The following NAALADL2 variants were observed in gnomAD, a reference collection of about 807,000 sequenced individuals.
The protein encoded by NAALADL2 is N-acetylated alpha-linked acidic dipeptidase like 2, also known as inactive N-acetylated-alpha-linked acidic dipeptidase-like protein 2.
NAALADL2 carries 76 observed loss-of-function variants against 87.2 expected under a neutral mutation model. The ratio of observed to expected loss-of-function variants is 0.87; its 90% CI spans 0.72 to 1.05. The LOEUF is 1.05. Ranked by LOEUF, NAALADL2 falls within the 50% of genes least tolerant of loss-of-function variation. The pLI, the probability that NAALADL2 is intolerant of heterozygous loss-of-function variation, is 0.00. For missense variants in NAALADL2, 1,089 were observed against 945.8 expected (o/e 1.15, Z -1.99); for synonymous variants, 354 against 331.0 (o/e 1.07, Z -0.75).
chr3:174,587,014 T>C (rs1168021215), intron 2 of NAALADL2, among the ~76,000 whole-genome samples: 4 of 136,780 alleles, frequency 2.9e-5, no homozygotes, highest in African/African-American at 1.1e-4. Context: ...CCCTGGTGTG[T>C]GATGTACTCC....
At chr3:174,900,115 A>G (rs1230391572) in intron 1 of NAALADL2, among the ~76,000 whole-genome samples, 2 of 152,128 alleles carry the variant, frequency 1.3e-5, no homozygotes, top group East Asian at 1.9e-4. Context: ...AACCAGTTCT[A>G]CGAGATATTA....
intron 2 of NAALADL2, among the ~76,000 whole-genome samples, chr3:175,106,153 A>T (rs544027322): frequency 1.3e-5 from 2 of 152,232 alleles, no homozygotes; most frequent in Non-Finnish European, 2.9e-5. Context: ...AGATTAGGTT[A>T]GTTACTTTCC....
At chr3:174,882,661 G>A (rs1159229198) in intron 1 of NAALADL2, among the ~76,000 whole-genome samples, 1 of 144,280 alleles carries the variant, frequency 6.9e-6, no homozygotes. Context: ...ACACATATGT[G>A]CATATACACA....
At chr3:174,852,208 G>A (rs575748372) in intron 3 of NAALADL2, among the ~76,000 whole-genome samples, 14 of 152,206 alleles carry the variant, frequency 9.2e-5, no homozygotes, top group South Asian at 8.3e-4. Flanking sequence ...CTTAGTAGTG[G>A]AAGTCCTTGC....
At chr3:174,713,691 T>C (rs943918926) in intron 2 of NAALADL2, among the ~76,000 whole-genome samples, 1 of 151,932 alleles carries the variant, frequency 6.6e-6, no homozygotes, top group African/African-American at 2.4e-5. Context: ...TTGTAGATTC[T>C]GGATATTAGC....
chr3:175,500,386 ATAG>A (rs1275131705), intron 9 of NAALADL2, among the ~76,000 whole-genome samples: 14 of 152,034 alleles, frequency 9.2e-5, no homozygotes, highest in African/African-American at 3.1e-4. Flanking sequence ...GGCCAAATCA[ATAG>A]TAGGCAAAAA....
At chr3:175,724,230 G>A (rs1742637151) in intron 11 of NAALADL2, among the ~76,000 whole-genome samples, 1 of 152,030 alleles carries the variant, frequency 6.6e-6, no homozygotes, top group Non-Finnish European at 1.5e-5. Context: ...TGAATTGTTG[G>A]GCTATGTCAT....
intron 5 of NAALADL2, among the ~76,000 whole-genome samples, chr3:175,369,206 C>G (rs141764640): frequency 6.6e-6 from 1 of 152,222 alleles, no homozygotes; most frequent in African/African-American, 2.4e-5. Context: ...TCATGCAGCA[C>G]CTGACTGTAT....
At chr3:175,472,511 T>G (rs1272231708) in intron 9 of NAALADL2, among the ~76,000 whole-genome samples, 4 of 152,168 alleles carry the variant, frequency 2.6e-5, no homozygotes, top group Non-Finnish European at 5.9e-5. Flanking sequence ...AGCCTCAATG[T>G]CTGTTAATTT....
chr3:174,827,937 C>A (rs549369236), intron 3 of NAALADL2, among the ~76,000 whole-genome samples: 1 of 152,114 alleles, frequency 6.6e-6, no homozygotes, highest in Non-Finnish European at 1.5e-5. Context: ...AATCTCAGCA[C>A]TTTGGGAGGC....
At chr3:174,871,704 G>T (rs1158748556) in intron 1 of NAALADL2, among the ~76,000 whole-genome samples, 2 of 152,114 alleles carry the variant, frequency 1.3e-5, no homozygotes, top group Non-Finnish European at 2.9e-5. Flanking sequence ...TTCAAGGCCA[G>T]CCTGGCCAAC....
intron 3 of NAALADL2, among the ~76,000 whole-genome samples, chr3:174,763,537 A>G (rs1378935122): frequency 1.5e-5 from 2 of 134,756 alleles, no homozygotes; most frequent in African/African-American, 5.7e-5. Context: ...CAGTGAACCG[A>G]GATTGCGCCA....
intron 1 of NAALADL2, among the ~76,000 whole-genome samples, chr3:174,514,071 T>A (rs111391202): frequency 3.6e-4 from 55 of 152,304 alleles, no homozygotes; most frequent in African/African-American, 1.2e-3. Context: ...TAGCAGGCTC[T>A]TTGATCCTAT....
At position 175,013,119 on chromosome 3, in the gene NAALADL2, TATACATATTTATATATAAA is replaced by T. The variant is rs1750195688; in HGVS notation, c.44-83670_44-83652del. ...ATAAATATACATATTTATATATAAA[TATACATATTTATATATAAA>T]TATGTAATACATATTTATATATAAA... On this transcript the variant is annotated intron_variant, in intron 1 of 13. Coordinates refer to ENST00000454872, the MANE Select transcript of NAALADL2 (RefSeq NM_207015.3). Among the ~76,000 whole-genome samples the T allele has an allele frequency of 2.1e-4, 5 of 23,590 alleles. 1 individual carries two copies. The highest frequency in any genetic ancestry group is 2.4e-3 in the East Asian group (2 of 848). The allele number at this position is 23,590 out of a possible 152,430, so 15.5% of individuals were successfully genotyped here. A position where few individuals can be genotyped will look rare whatever the true frequency, so the allele number is the denominator to read the frequency against.
At chr3:174,975,456 C>T (rs1744237868) in intron 1 of NAALADL2, among the ~76,000 whole-genome samples, 1 of 152,048 alleles carries the variant, frequency 6.6e-6, no homozygotes, top group African/African-American at 2.4e-5. Context: ...GGTGTGCATA[C>T]CTTGTATAGG....
chr3:175,138,113 G>A (rs1272995948), intron 2 of NAALADL2, among the ~76,000 whole-genome samples: 1 of 152,210 alleles, frequency 6.6e-6, no homozygotes, highest in Non-Finnish European at 1.5e-5. Context: ...ATAGTGAAAG[G>A]AGTTTCAAAA....
chr3:174,969,847 A>C lies in NAALADL2; in HGVS notation c.43+110397A>C, dbSNP rs952737964. ...CAATCAGTAGCAGAAGACAGAAAAT[A>C]AAGAAGACCTAAACATAAAGCATTG... On this transcript the variant is annotated intron_variant, in intron 1 of 13. Coordinates refer to ENST00000454872, the MANE Select transcript of NAALADL2 (RefSeq NM_207015.3). 1.2e-4 allele frequency among the ~76,000 whole-genome samples: 19 copies of C among 152,324 alleles called. No homozygotes were observed. The East Asian group carries it at 3.7e-3, about 29-fold the overall frequency.
chr3:174,990,034 G>GA (rs1161617705), intron 1 of NAALADL2, among the ~76,000 whole-genome samples: 8 of 151,572 alleles, frequency 5.3e-5, no homozygotes, highest in South Asian at 2.1e-4. Context: ...ATTTCCTATT[G>GA]AAAAAAAATA....
rs1437091997 is a variant in NAALADL2, at chr3:174,763,586, C to CCAAAAAAAAAA, written c.-9+25840_-9+25841insCAAAAAAAAAA. On this transcript the variant is annotated intron_variant, in intron 3 of 3. Transcript: ENST00000434257. Reference sequence around the variant, plus strand: ...TGGGCTACAGAGCGAGACTCCATCTCAAAAAAAAAAAAAAAGACTAAAATG... The same window carrying CCAAAAAAAAAA: ...TGGGCTACAGAGCGAGACTCCATCTCCAAAAAAAAAAAAAAAAAAAAAAAAAGACTAAAATG... Among the ~76,000 whole-genome samples the CCAAAAAAAAAA allele has an allele frequency of 5.0e-4, 24 of 48,344 alleles. 1 individual carries two copies. Among genetic ancestry groups the CCAAAAAAAAAA allele is most frequent in the African/African-American group, 2.1e-3 (21 of 10,106 alleles). The allele number at this position is 48,344 out of a possible 152,430, so 31.7% of individuals were successfully genotyped here.
Sources: gnomAD v4.1 joint callset for allele counts (sites outside exome capture counted in the v4.1 genomes callset) on GRCh38, gnomAD v4.1.1 for gene constraint, MANE v1.5 for transcripts, NCBI Gene and HGNC (gene_info 2026-07-23, HGNC 2026-07-21) for gene names.